The following PCDHA6 variants were observed in gnomAD, a reference collection of about 807,000 sequenced individuals.
The protein encoded by PCDHA6 is protocadherin alpha 6.
A neutral mutation model predicts 60.3 loss-of-function variants in PCDHA6; 55 were observed. The observed-to-expected ratio is 0.91, with a 90% CI of 0.73 to 1.14. The LOEUF is 1.14. Among genes scored for constraint, PCDHA6 ranks in the 50% most tolerant of loss-of-function variants. The probability of loss-of-function intolerance (pLI) is 0.00; values close to 1 mark genes in which losing one functional copy is unlikely to be tolerated. For missense variants in PCDHA6, 1,327 were observed against 1,256.5 expected (o/e 1.06, Z -0.85); for synonymous variants, 652 against 557.9 (o/e 1.17, Z -2.38).
chr5:140,878,040 C>T, intron 1 of PCDHA6: 1 of 533,272 alleles, frequency 1.9e-6, no homozygotes, highest in Non-Finnish European at 3.0e-6. Flanking sequence ...ACAATGGAGG[C>T]CATGGAGCAC....
chr5:140,878,727 C>A (rs1329578817), intron 1 of PCDHA6, among the ~76,000 whole-genome samples: 2 of 152,186 alleles, frequency 1.3e-5, no homozygotes, highest in Non-Finnish European at 2.9e-5. Context: ...AAATTTCCAG[C>A]CTTATATCTA....
Position 140,971,209 on chromosome 5 carries a change from C to A in PCDHA6, c.2395-7740C>A, listed in dbSNP as rs147218200. 2.2e-3 allele frequency among the ~76,000 whole-genome samples: 328 copies of A among 152,236 alleles called. 3 individuals are homozygous for A. Among genetic ancestry groups the A allele is most frequent in the African/African-American group, 7.7e-3 (319 of 41,534 alleles). Reference sequence around the variant, plus strand: ...AAGCTCAGAGGAAAGACACTGTTACCCTCCCTCTCCTGACTCAAAGCTTGG... The same window carrying A: ...AAGCTCAGAGGAAAGACACTGTTACACTCCCTCTCCTGACTCAAAGCTTGG... On this transcript the variant is annotated intron_variant, in intron 1 of 3. Coordinates refer to ENST00000529310, the MANE Select transcript of PCDHA6 (RefSeq NM_018909.4).
chr5:141,000,828 G>A (rs1244334845), intron 3 of PCDHA6, among the ~76,000 whole-genome samples: 2 of 151,966 alleles, frequency 1.3e-5, no homozygotes, highest in African/African-American at 4.8e-5. Flanking sequence ...GATCACTTGA[G>A]TCCAGGAGAT....
At position 140,856,753 on chromosome 5, in the gene PCDHA6, T is replaced by C. The variant is rs373420913; in HGVS notation, c.2394+26268T>C. 311 of 1,596,470 alleles carry C rather than the reference T, an allele frequency of 1.9e-4. 24 individuals are homozygous for C. Among genetic ancestry groups the C allele is most frequent in the Non-Finnish European group, 2.6e-4 (309 of 1,166,472 alleles). On this transcript the variant is annotated intron_variant, in intron 1 of 3. Coordinates refer to ENST00000529310, the MANE Select transcript of PCDHA6 (RefSeq NM_018909.4). ...TGCTGATCCTGGTGTTAGATGCCAA[T>C]GATAACGCCCCTATCTTTGACAGAC...
rs2056458194 is a variant in PCDHA6, at chr5:140,876,609, T to C, written c.2394+46124T>C. ...TGATTAGCGTGTCGGATCGTGACTC[T>C]GGAGCCAATGGACAGGTCATCTGCT... On this transcript the variant is annotated intron_variant, in intron 1 of 3. Coordinates refer to ENST00000529310, the MANE Select transcript of PCDHA6 (RefSeq NM_018909.4). The C allele has an allele frequency of 3.1e-6, 5 of 1,614,226 alleles. No individual in the cohort carries two copies. In the East Asian group the frequency reaches 1.1e-4, roughly 36 times the overall value.
At chr5:141,009,279 A>T (rs2098404369) in intron 3 of PCDHA6, among the ~76,000 whole-genome samples, 1 of 152,124 alleles carries the variant, frequency 6.6e-6, no homozygotes, top group Non-Finnish European at 1.5e-5. Flanking sequence ...ACATAGTGAG[A>T]TCCCATTTCT....
chr5:140,949,915 T>A (rs1459531816), intron 1 of PCDHA6, among the ~76,000 whole-genome samples: 1 of 151,274 alleles, frequency 6.6e-6, no homozygotes, highest in African/African-American at 2.4e-5. Context: ...TAGATATAAC[T>A]ATTTTTAGAT....
chr5:140,931,914 A>G (rs1374173998), intron 1 of PCDHA6, among the ~76,000 whole-genome samples: 2 of 151,960 alleles, frequency 1.3e-5, no homozygotes, highest in Non-Finnish European at 2.9e-5. Context: ...AAAGCATGAC[A>G]TTTAACAATG....
At chr5:140,905,298 T>A (rs1171619023) in intron 1 of PCDHA6, among the ~76,000 whole-genome samples, 2 of 152,218 alleles carry the variant, frequency 1.3e-5, no homozygotes, top group African/African-American at 2.4e-5. Context: ...TAAGGTGTCC[T>A]TTCCACACTT....
intron 1 of PCDHA6, chr5:140,861,620 A>G: frequency 2.9e-6 from 1 of 340,898 alleles, no homozygotes; most frequent in South Asian, 2.8e-5. Context: ...ACAACCTGCC[A>G]GTGTTCTCAG....
In PCDHA6 at chr5:140,857,981, C is replaced by T. The variant is rs377577023; in HGVS notation, c.2394+27496C>T. The T allele has an allele frequency of 2.5e-6, 4 of 1,596,862 alleles. 1 individual carries two copies. The highest frequency in any genetic ancestry group is 3.4e-6 in the Non-Finnish European group (4 of 1,167,208). The stretch of plus-strand genomic sequence containing the variant: ...GGATGAGACTGACTCGCCACGCCAG[C>T]GCCTACTGGTGCTGGTGAAGGACCA... On this transcript the variant is annotated intron_variant, in intron 1 of 3. Transcript: ENST00000529310.
chr5:140,978,685 CA>C (rs1426574040), intron 1 of PCDHA6, among the ~76,000 whole-genome samples: 2 of 152,242 alleles, frequency 1.3e-5, no homozygotes, highest in African/African-American at 2.4e-5. Context: ...ATGTATTGGG[CA>C]AGGCAAAGCC....
intron 1 of PCDHA6, among the ~76,000 whole-genome samples, chr5:140,959,893 T>A (rs782431808): frequency 6.6e-6 from 1 of 152,194 alleles, no homozygotes; most frequent in Non-Finnish European, 1.5e-5. Flanking sequence ...CGAGTGGGAT[T>A]TATATCAGAA....
intron 3 of PCDHA6, among the ~76,000 whole-genome samples, chr5:141,002,176 G>C (rs1554258553): frequency 6.6e-6 from 1 of 152,242 alleles, no homozygotes; most frequent in Non-Finnish European, 1.5e-5. Context: ...GCAGGCTCCA[G>C]AGTGCTGTCT....
At chr5:140,997,466 T>G (rs2097771241) in intron 3 of PCDHA6, among the ~76,000 whole-genome samples, 2 of 152,186 alleles carry the variant, frequency 1.3e-5, no homozygotes, top group Admixed American at 1.3e-4. Context: ...CTGTAGGCAA[T>G]TTTTACACAA....
At chr5:140,857,289 G>C in intron 1 of PCDHA6, 2 of 1,598,692 alleles carry the variant, frequency 1.3e-6, no homozygotes, top group African/African-American at 1.3e-5. Flanking sequence ...GCTCTGGACC[G>C]CGAGAGGGTG....
intron 1 of PCDHA6, chr5:140,853,842 C>G: frequency 1.0e-6 from 1 of 986,448 alleles, no homozygotes; most frequent in Non-Finnish European, 1.2e-6. Flanking sequence ...AATTTTAGAT[C>G]CATAGCCCTA....
At chr5:140,875,395 GT>G in intron 1 of PCDHA6, 1 of 1,478,260 alleles carries the variant, frequency 6.8e-7, no homozygotes, top group African/African-American at 1.4e-5. Context: ...ACAGAAAAGG[GT>G]GACTGCTCAT....
At chr5:140,966,792 C>T (rs1182470326) in intron 1 of PCDHA6, 4 of 1,530,564 alleles carry the variant, frequency 2.6e-6, no homozygotes, top group Non-Finnish European at 2.6e-6. Context: ...ACCAGACCTG[C>T]GGCGACAGAG....
Sources: gnomAD v4.1 joint callset for allele counts (sites outside exome capture counted in the v4.1 genomes callset) on GRCh38, gnomAD v4.1.1 for gene constraint, MANE v1.5 for transcripts, NCBI Gene and HGNC (gene_info 2026-07-23, HGNC 2026-07-21) for gene names.